PMFBP1: variants seen among roughly 807,000 people sequenced by gnomAD.
PMFBP1 encodes the protein polyamine modulated factor 1 binding protein 1.
PMFBP1 carries 131 observed loss-of-function variants against 137.8 expected under a neutral mutation model. That is an observed-to-expected ratio of 0.95 (90% confidence interval 0.82 to 1.10). The LOEUF (loss-of-function observed/expected upper bound fraction) is 1.10. PMFBP1 is among the 50% of genes least tolerant of loss of function. PMFBP1 has a pLI of 0.00. For synonymous variants in PMFBP1, 490 were observed against 450.4 expected (o/e 1.09, Z -1.11); for missense variants, 1,199 against 1,175.4 (o/e 1.02, Z -0.29).
the PMFBP1 span, among the ~76,000 whole-genome samples, chr16:72,219,433 T>A: frequency 2.6e-5 from 4 of 152,166 alleles, no homozygotes; most frequent in East Asian, 7.7e-4. Context: ...CAGGAGCGCG[T>A]GGACAGGTAT....
At chr16:72,198,043 C>G in the PMFBP1 span, among the ~76,000 whole-genome samples, 2 of 152,266 alleles carry the variant, frequency 1.3e-5, no homozygotes, top group South Asian at 4.1e-4. Flanking sequence ...TTTTCTATCC[C>G]TGAAAGAGTC....
At chr16:72,173,088 A>G (rs1410299835), upstream of PMFBP1, among the ~76,000 whole-genome samples, 1 of 152,240 alleles carries the variant, frequency 6.6e-6, no homozygotes, top group Non-Finnish European at 1.5e-5. Context: ...AACCTGGTTC[A>G]GCACCTCACT....
rs535405855 is a variant in PMFBP1, at chr16:72,133,223, C to T, written c.1204-232G>A. On this transcript the variant is annotated intron_variant, in intron 9 of 20. Coordinates refer to ENST00000237353, the MANE Select transcript of PMFBP1 (RefSeq NM_031293.3). ...TTTTTGAGACAGAGTCTCTCTCTGTCGCCCAGGCTGGAGTGCAATAGCATG... is the reference window on the plus strand; with the variant it reads ...TTTTTGAGACAGAGTCTCTCTCTGTTGCCCAGGCTGGAGTGCAATAGCATG... 5.3e-5 allele frequency among the ~76,000 whole-genome samples: 8 copies of T among 152,154 alleles called. No homozygotes were observed. The East Asian group carries it at 7.8e-4, about 15-fold the overall frequency.
intron 19 of PMFBP1, among the ~76,000 whole-genome samples, chr16:72,122,201 A>G (rs1256139378): frequency 6.6e-6 from 1 of 152,220 alleles, no homozygotes; most frequent in Non-Finnish European, 1.5e-5. Flanking sequence ...CTCTAGCTCC[A>G]TCCATATTCC....
chr16:72,233,054 A>G, the PMFBP1 span, among the ~76,000 whole-genome samples: 1 of 152,108 alleles, frequency 6.6e-6, no homozygotes, highest in Non-Finnish European at 1.5e-5. Flanking sequence ...GGTAAAAATG[A>G]CTCTCAAAAT....
chr16:72,149,790 CA>C (rs532020862), intron 5 of PMFBP1, among the ~76,000 whole-genome samples: 8 of 147,752 alleles, frequency 5.4e-5, no homozygotes, highest in Non-Finnish European at 7.5e-5. Context: ...ACCACTATCT[CA>C]AAAAAAAAAT....
intron 9 of PMFBP1, among the ~76,000 whole-genome samples, chr16:72,133,882 C>T (rs766420072): frequency 2.0e-5 from 3 of 151,896 alleles, no homozygotes; most frequent in Admixed American, 6.6e-5. Flanking sequence ...GTATGCAGGC[C>T]GAGGCAGGTG....
At chr16:72,163,842 G>A (rs1354125282) in intron 3 of PMFBP1, among the ~76,000 whole-genome samples, 1 of 150,654 alleles carries the variant, frequency 6.6e-6, no homozygotes, top group East Asian at 2.0e-4. Context: ...AACATCATAT[G>A]TTCTTACTTA....
At chr16:72,124,483 T>A (rs1376417343) in intron 17 of PMFBP1, among the ~76,000 whole-genome samples, 1 of 152,216 alleles carries the variant, frequency 6.6e-6, no homozygotes, top group Non-Finnish European at 1.5e-5. Context: ...GGATGTACTC[T>A]GGAAGGGGAC....
chr16:72,143,839 G>C (rs1597474628), intron 5 of PMFBP1, among the ~76,000 whole-genome samples: 1 of 151,658 alleles, frequency 6.6e-6, no homozygotes, highest in African/African-American at 2.4e-5. Flanking sequence ...TCAGGAGTTC[G>C]AGGCCAGCCT....
intron 4 of PMFBP1, among the ~76,000 whole-genome samples, chr16:72,152,486 A>G (rs1217979259): frequency 6.6e-6 from 1 of 152,142 alleles, no homozygotes; most frequent in Non-Finnish European, 1.5e-5. Context: ...CTTAAAAGGA[A>G]GGGAGTGTGC....
Position 72,132,745 on chromosome 16 carries a change from C to T in PMFBP1, c.1447+3G>A, listed in dbSNP as rs1399935394. On this transcript the variant is annotated splice_donor_region_variant and intron_variant, in intron 10 of 20. Coordinates refer to ENST00000237353, the MANE Select transcript of PMFBP1 (RefSeq NM_031293.3). ...GGTGGGACAGCACCTGCAGGGGCCT[C>T]ACCAGCCAGCCTCTCCTGCTGCTTG... The T allele has an allele frequency of 3.7e-6, 6 of 1,614,048 alleles. No homozygotes were observed. The highest frequency in any genetic ancestry group is 1.1e-5 in the South Asian group (1 of 91,074).
At chr16:72,238,220 T>A in the PMFBP1 span, among the ~76,000 whole-genome samples, 3 of 152,186 alleles carry the variant, frequency 2.0e-5, no homozygotes, top group Non-Finnish European at 4.4e-5. Context: ...CTTTGAGGAG[T>A]TGCCATACTG....
chr16:72,178,868 ATACC>A (rs1421385137), upstream of PMFBP1, among the ~76,000 whole-genome samples: 58 of 152,230 alleles, frequency 3.8e-4, 1 homozygote, highest in Admixed American at 3.8e-3. Flanking sequence ...TGGAACAATA[ATACC>A]TACCTTACAG....
the PMFBP1 span, among the ~76,000 whole-genome samples, chr16:72,231,562 G>C: frequency 2.0e-5 from 3 of 152,134 alleles, no homozygotes; most frequent in African/African-American, 7.2e-5. Context: ...TGGTGTTTTA[G>C]ATTAGTGATT....
rs2042396208 is a variant in PMFBP1 at position 72,122,877 on chromosome 16, T to A, written c.2768+37A>T. On this transcript the variant is annotated intron_variant, in intron 19 of 20. Transcript: ENST00000237353. ...CTCCCTGCTGACCCTTCTTGTCAGC[T>A]CCCAGGAAGCAGCCAGGGTGGTTTA... 1.9e-6 allele frequency: 3 copies of A among 1,588,512 alleles called. No homozygotes were observed. In the African/African-American group the frequency reaches 4.0e-5, roughly 21 times the overall value.
At chr16:72,195,658 A>C in the PMFBP1 span, among the ~76,000 whole-genome samples, 2 of 152,358 alleles carry the variant, frequency 1.3e-5, no homozygotes, top group African/African-American at 4.8e-5. Flanking sequence ...GATTGCTGTA[A>C]ATACTACTAC....
Position 72,136,453 on chromosome 16 carries a change from C to A in PMFBP1, c.1198G>T (p.Asp400Tyr). 3 of 1,613,208 alleles carry A rather than the reference C, an allele frequency of 1.9e-6. No individual in the cohort carries two copies. The highest frequency in any genetic ancestry group is 2.5e-6 in the Non-Finnish European group (3 of 1,179,636). Reference sequence around the variant, plus strand: ...ACCAGAGTTCCTCACTTTACCTTGTCTTTCTTCAAAGTGAGCTTTTGGGTC... The same window carrying A: ...ACCAGAGTTCCTCACTTTACCTTGTATTTCTTCAAAGTGAGCTTTTGGGTC... ...TETQKLTLKK[D>Y]KFLQEKDEML... is the part of the protein sequence containing the mutation. Residue 400 changes from aspartate to tyrosine, a missense_variant, in exon 9 of 21, where the codon GAC becomes TAC. Asp to Tyr is a radical substitution (Grantham distance 160). Coordinates refer to ENST00000237353, the MANE Select transcript of PMFBP1 (RefSeq NM_031293.3).
chr16:72,216,182 G>T, the PMFBP1 span, among the ~76,000 whole-genome samples: 1 of 152,092 alleles, frequency 6.6e-6, no homozygotes, highest in Non-Finnish European at 1.5e-5. Flanking sequence ...AACCCCAGGG[G>T]ACATGGAACT....
Sources: gnomAD v4.1 joint callset for allele counts (sites outside exome capture counted in the v4.1 genomes callset) on GRCh38, gnomAD v4.1.1 for gene constraint, MANE v1.5 for transcripts, NCBI Gene and HGNC (gene_info 2026-07-23, HGNC 2026-07-21) for gene names.